SMOC1: variants seen among roughly 807,000 people sequenced by gnomAD.
SMOC1 encodes SPARC related modular calcium binding 1, also known as SPARC-related modular calcium-binding protein 1.
In SMOC1, 22 loss-of-function variants were observed where a neutral mutation model predicts 56.3. The observed-to-expected ratio is 0.39, with a 90% CI of 0.28 to 0.56. The LOEUF is 0.56. Among genes scored for constraint, SMOC1 ranks in the 20% least tolerant of loss-of-function variants. SMOC1 has a pLI of 0.61. For missense variants in SMOC1, 509 were observed against 565.4 expected, an observed-to-expected ratio of 0.90 and a Z score of 1.01; for synonymous variants, 193 against 215.0, an observed-to-expected ratio of 0.90 and a Z score of 0.89.
chr14:69,964,074 A>G (rs142824074), intron 3 of SMOC1, among the ~76,000 whole-genome samples: 3,189 of 152,306 alleles, frequency 0.021, 60 homozygotes, highest in Non-Finnish European at 0.027. Context: ...TTCTAGCTGA[A>G]TGGCCACTGT....
At chr14:70,012,842 A>G (rs1031775066) in intron 9 of SMOC1, among the ~76,000 whole-genome samples, 2 of 152,238 alleles carry the variant, frequency 1.3e-5, no homozygotes, top group Non-Finnish European at 1.5e-5. Context: ...AGTATTTACA[A>G]GAGAGATGCT....
At chr14:69,968,988 T>A (rs112417468) in intron 3 of SMOC1, among the ~76,000 whole-genome samples, 51 of 152,328 alleles carry the variant, frequency 3.3e-4, no homozygotes, top group African/African-American at 1.2e-3. Context: ...TCAGGATGGA[T>A]TTCTTAGCAA....
chr14:70,001,383 G>A lies in SMOC1; in HGVS notation c.664+6903G>A, dbSNP rs1433238818. 2.6e-5 allele frequency among the ~76,000 whole-genome samples: 4 copies of A among 152,274 alleles called. No individual in the cohort carries two copies. The East Asian group carries it at 7.7e-4, about 29-fold the overall frequency. ...CATTTAAGGCAGGAGCTGACCACTG[G>A]GCAGTGGTGCACCAAAGGGATGGGG... On this transcript the variant is annotated intron_variant, in intron 7 of 11. Transcript: ENST00000361956.
chr14:69,910,232 C>A (rs894000558), intron 1 of SMOC1, among the ~76,000 whole-genome samples: 2 of 152,238 alleles, frequency 1.3e-5, no homozygotes, highest in Non-Finnish European at 2.9e-5. Flanking sequence ...TTCCCACTTA[C>A]GATTGAGCAA....
intron 1 of SMOC1, among the ~76,000 whole-genome samples, chr14:69,938,965 C>T (rs753479289): frequency 1.3e-5 from 2 of 152,194 alleles, no homozygotes; most frequent in Non-Finnish European, 2.9e-5. Context: ...TGTGTGCACG[C>T]ATGTCGCTGT....
intron 11 of SMOC1, among the ~76,000 whole-genome samples, chr14:70,029,490 A>T (rs1886058554): frequency 6.6e-6 from 1 of 152,232 alleles, no homozygotes; most frequent in Admixed American, 6.5e-5. Context: ...GTTGGCCAGT[A>T]ATAAGTTCAC....
chr14:69,989,638 C>T (rs986431894), intron 5 of SMOC1, among the ~76,000 whole-genome samples: 2 of 152,176 alleles, frequency 1.3e-5, no homozygotes, highest in Non-Finnish European at 2.9e-5. Context: ...AGGGGCTCAA[C>T]TTATCCAGAG....
intron 1 of SMOC1, among the ~76,000 whole-genome samples, chr14:69,908,366 A>T (rs1012880016): frequency 3.3e-5 from 5 of 152,238 alleles, no homozygotes; most frequent in Admixed American, 3.3e-4. Context: ...GTGTGTGCTC[A>T]CTTCAAATGT....
intron 3 of SMOC1, among the ~76,000 whole-genome samples, chr14:69,970,264 C>T (rs780446109): frequency 6.6e-6 from 1 of 152,196 alleles, no homozygotes; most frequent in Non-Finnish European, 1.5e-5. Flanking sequence ...GAGACTCAGT[C>T]GCTTCCTGTC....
intron 1 of SMOC1, among the ~76,000 whole-genome samples, chr14:69,912,608 GGT>G (rs2139350031): frequency 6.6e-6 from 1 of 152,304 alleles, no homozygotes; most frequent in African/African-American, 2.4e-5. Context: ...ACTATTCAGA[GGT>G]GATAGGTGGC....
At chr14:69,998,084 A>T (rs1395618422) in intron 7 of SMOC1, among the ~76,000 whole-genome samples, 1 of 152,168 alleles carries the variant, frequency 6.6e-6, no homozygotes, top group African/African-American at 2.4e-5. Flanking sequence ...CAATAACATG[A>T]CACATATGCC....
At chr14:69,920,803 T>C (rs1594802279) in intron 1 of SMOC1, among the ~76,000 whole-genome samples, 1 of 151,922 alleles carries the variant, frequency 6.6e-6, no homozygotes, top group Non-Finnish European at 1.5e-5. Context: ...ATGCCTGAGG[T>C]ATGGTCTGGA....
At chr14:70,011,608 C>T in intron 9 of SMOC1, 41 bp downstream of exon 9, 4 of 1,554,558 alleles carry the variant, frequency 2.6e-6, no homozygotes, top group Non-Finnish European at 3.6e-6. Flanking sequence ...TCACCTCCTT[C>T]TGTTCCTCCA....
chr14:69,990,859 G>A (rs1479708234), intron 5 of SMOC1, among the ~76,000 whole-genome samples: 14 of 152,214 alleles, frequency 9.2e-5, no homozygotes, highest in Non-Finnish European at 2.9e-5. Context: ...CTTGGTGTCA[G>A]TACATGAGAA....
chr14:69,897,201 G>T (rs988423157), intron 1 of SMOC1, among the ~76,000 whole-genome samples: 1 of 152,134 alleles, frequency 6.6e-6, no homozygotes, highest in African/African-American at 2.4e-5. Context: ...GCCAATAAAG[G>T]CAGAGCCTGT....
intron 7 of SMOC1, among the ~76,000 whole-genome samples, chr14:70,001,520 A>AT (rs1224538592): frequency 7.9e-5 from 12 of 151,930 alleles, no homozygotes; most frequent in Admixed American, 1.3e-4. Context: ...ATATGTGCAT[A>AT]TTTTTTTTAG....
intron 10 of SMOC1, among the ~76,000 whole-genome samples, chr14:70,021,761 T>A (rs72729803): frequency 0.19 from 29,251 of 152,140 alleles, 3,725 homozygotes; most frequent in East Asian, 0.41. Flanking sequence ...TGGACGTTAC[T>A]TGGTGGGGTG....
chr14:69,952,043 C>A, intron 1 of SMOC1, 95 bp from the exon 2 acceptor site: 2 of 1,440,440 alleles, frequency 1.4e-6, no homozygotes, highest in Admixed American at 3.4e-5. Context: ...TAGGGACTTA[C>A]TTTCTAAAGG....
intron 5 of SMOC1, among the ~76,000 whole-genome samples, chr14:69,987,888 T>C (rs1884424555): frequency 6.6e-6 from 1 of 152,174 alleles, no homozygotes; most frequent in Non-Finnish European, 1.5e-5. Context: ...ACAGAGCCCA[T>C]GCGGGGGCTG....
Sources: allele counts gnomAD v4.1 joint callset (sites outside exome capture counted in the v4.1 genomes callset), GRCh38; gene constraint gnomAD v4.1.1; transcripts MANE v1.5; gene names NCBI Gene and HGNC (gene_info 2026-07-23, HGNC 2026-07-21).